USP13: variants seen among roughly 807,000 people sequenced by gnomAD.
USP13 encodes the protein ubiquitin specific peptidase 13.
Under a neutral mutation model 107.8 loss-of-function variants are expected in USP13, and 68 were observed. The observed-to-expected ratio is 0.63, with a 90% CI of 0.52 to 0.77. The LOEUF is 0.77. Among genes scored for constraint, USP13 ranks in the 30% least tolerant of loss-of-function variants. The pLI, the probability that USP13 is intolerant of heterozygous loss-of-function variation, is 0.00. For synonymous variants in USP13, 377 were observed against 389.5 expected, an observed-to-expected ratio of 0.97 and a Z score of 0.38; for missense variants, 945 against 1,093.3, an observed-to-expected ratio of 0.86 and a Z score of 1.91.
Position 179,757,232 on chromosome 3 carries a change from A to G in USP13, c.1948+154A>G, listed in dbSNP as rs572949424. 62 of 783,246 alleles carry G rather than the reference A, an allele frequency of 7.9e-5. No homozygotes were observed. The African/African-American group carries it at 9.5e-4, about 12-fold the overall frequency. 48.5% of individuals were successfully genotyped at this position (783,246 alleles called of 1,614,324 possible). A position where few individuals can be genotyped will look rare whatever the true frequency, so the allele number is the denominator to read the frequency against. On this transcript the variant is annotated intron_variant, in intron 16 of 20. Coordinates refer to ENST00000263966, the MANE Select transcript of USP13 (RefSeq NM_003940.3). The stretch of plus-strand genomic sequence containing the variant: ...GGCTCTGTGTCTGCTAGTCAGTGAC[A>G]TGCTGATCAGGTGGCCCATGGGGCT...
chr3:179,777,267 T>C (rs1037809996), intron 19 of USP13, among the ~76,000 whole-genome samples: 3 of 152,066 alleles, frequency 2.0e-5, no homozygotes, highest in South Asian at 2.1e-4. Context: ...TTTCTCTGTG[T>C]CTGTTTTGTC....
chr3:179,717,099 C>T (rs75394905), intron 6 of USP13, among the ~76,000 whole-genome samples: 3,418 of 152,194 alleles, frequency 0.022, 79 homozygotes, highest in Middle Eastern at 0.12. Flanking sequence ...AGTTTTAGGC[C>T]AAGCTGGGGA....
intron 8 of USP13, among the ~76,000 whole-genome samples, chr3:179,725,072 C>T (rs1033392219): frequency 2.0e-5 from 3 of 151,978 alleles, no homozygotes; most frequent in Non-Finnish European, 2.9e-5. Flanking sequence ...ATTAGCCAGG[C>T]GTGGTGGTGC....
At chr3:179,715,031 C>T (rs1386970546) in intron 6 of USP13, among the ~76,000 whole-genome samples, 2 of 151,658 alleles carry the variant, frequency 1.3e-5, no homozygotes, top group Non-Finnish European at 2.9e-5. Context: ...CACCACACTC[C>T]ATACTCGGCT....
In USP13 at chr3:179,727,184, T is replaced by A. The variant is rs867099825; in HGVS notation, c.1089-3005T>A. Reference sequence around the variant, plus strand: ...TAATGTTTTTTTTTTTTTTTTTTTTTAATTGATCATTCTTGGGTGTTTCTC... The same window carrying A: ...TAATGTTTTTTTTTTTTTTTTTTTTAAATTGATCATTCTTGGGTGTTTCTC... On this transcript the variant is annotated intron_variant, in intron 8 of 20. Coordinates refer to ENST00000263966, the MANE Select transcript of USP13 (RefSeq NM_003940.3). 3.7e-3 allele frequency among the ~76,000 whole-genome samples: 470 copies of A among 125,748 alleles called. 4 individuals are homozygous for A. The highest frequency in any genetic ancestry group is 0.015 in the African/African-American group (445 of 30,070). The allele number at this position is 125,748 out of a possible 152,430, so 82.5% of individuals were successfully genotyped here.
chr3:179,694,964 A>G (rs1481540162), intron 3 of USP13, among the ~76,000 whole-genome samples: 1 of 152,160 alleles, frequency 6.6e-6, no homozygotes, highest in East Asian at 1.9e-4. Context: ...GGCCACATCT[A>G]GCTGCACAGG....
intron 2 of USP13, among the ~76,000 whole-genome samples, chr3:179,689,379 T>A (rs1712019358): frequency 6.6e-6 from 1 of 151,626 alleles, no homozygotes; most frequent in African/African-American, 2.4e-5. Context: ...CGATGCTGGG[T>A]GGGGTGCGGT....
chr3:179,684,943 A>G (rs1711816455), intron 2 of USP13, among the ~76,000 whole-genome samples: 1 of 152,160 alleles, frequency 6.6e-6, no homozygotes, highest in South Asian at 2.1e-4. Context: ...GAATTTATAG[A>G]TTAACCTATA....
intron 2 of USP13, among the ~76,000 whole-genome samples, chr3:179,684,598 C>G (rs1711798477): frequency 6.6e-6 from 1 of 152,202 alleles, no homozygotes; most frequent in Non-Finnish European, 1.5e-5. Flanking sequence ...GCTGGGATTA[C>G]AGCTGAGAGC....
chr3:179,727,765 C>T (rs1461065057), intron 8 of USP13, among the ~76,000 whole-genome samples: 1 of 86,036 alleles, frequency 1.2e-5, no homozygotes, highest in Non-Finnish European at 2.6e-5. Flanking sequence ...CCCCTCACCT[C>T]CCGGACGGGG....
chr3:179,764,183 C>CTGTGTGTGTGTGTG lies in USP13; in HGVS notation c.2259+34_2259+47dup. On this transcript the variant is annotated intron_variant, in intron 18 of 20. Transcript: ENST00000263966. ...TACGAGCAACGGTGAGCATGAGAGA[C>CTGTGTGTGTGTGTG]TGTGTGTGTGTGTGTGTGTGTGTGT... The CTGTGTGTGTGTGTG allele has an allele frequency of 6.9e-7, 1 of 1,447,186 alleles. No homozygotes were observed. Among genetic ancestry groups the CTGTGTGTGTGTGTG allele is most frequent in the Non-Finnish European group, 9.3e-7 (1 of 1,080,378 alleles). The allele number at this position is 1,447,186 out of a possible 1,614,324, so 89.6% of individuals were successfully genotyped here.
At chr3:179,775,507 G>A (rs763082988) in intron 19 of USP13, among the ~76,000 whole-genome samples, 8 of 152,280 alleles carry the variant, frequency 5.3e-5, no homozygotes, top group Non-Finnish European at 8.8e-5. Flanking sequence ...CCAGTTCCGC[G>A]CCACGCGCCT....
rs139900228 is a variant in USP13 at position 179,657,172 on chromosome 3, A to C, written c.168+3779A>C. On this transcript the variant is annotated intron_variant, in intron 1 of 20. Coordinates refer to ENST00000263966, the MANE Select transcript of USP13 (RefSeq NM_003940.3). ...GTTATTTTGTGGATTAAATAAATTA[A>C]TACATAAAGTGTGTCTGGCCAATTA... Among the ~76,000 whole-genome samples, 546 of 152,338 alleles carry C rather than the reference A, an allele frequency of 3.6e-3. 6 individuals carry two copies. Among genetic ancestry groups the C allele is most frequent in the Admixed American group, 0.029 (444 of 15,304 alleles).
At chr3:179,660,195 ATTG>A (rs1188575355) in intron 1 of USP13, among the ~76,000 whole-genome samples, 4 of 152,338 alleles carry the variant, frequency 2.6e-5, no homozygotes, top group East Asian at 1.9e-4. Flanking sequence ...ATCACTATGC[ATTG>A]TTGTGTGAAT....
At chr3:179,711,086 C>T (rs945577031) in intron 6 of USP13, among the ~76,000 whole-genome samples, 1 of 152,120 alleles carries the variant, frequency 6.6e-6, no homozygotes, top group Non-Finnish European at 1.5e-5. Context: ...AAAACATTGT[C>T]CTTTTCAATA....
At chr3:179,665,590 C>G (rs888471266) in intron 1 of USP13, among the ~76,000 whole-genome samples, 2 of 151,990 alleles carry the variant, frequency 1.3e-5, no homozygotes, top group Non-Finnish European at 2.9e-5. Context: ...ATATTTAAGG[C>G]TTTTCTTTTT....
chr3:179,693,287 T>C (rs1385808737), intron 3 of USP13, among the ~76,000 whole-genome samples: 1 of 151,964 alleles, frequency 6.6e-6, no homozygotes, highest in Non-Finnish European at 1.5e-5. Flanking sequence ...TAGCTGGGAC[T>C]ACAGGCACAC....
rs532749978 is a variant in USP13 at position 179,653,133 on chromosome 3, G to T, written c.-93G>T. The T allele has an allele frequency of 1.8e-4, 179 of 988,398 alleles. 10 individuals carry two copies. In the East Asian group the frequency reaches 0.017, roughly 93 times the overall value. 61.2% of individuals were successfully genotyped at this position (988,398 alleles called of 1,614,324 possible). On this transcript the variant is annotated 5_prime_UTR_variant, in exon 1 of 21. Transcript: ENST00000263966. The surrounding 1 kb of genome is among the most constrained non-coding windows in gnomAD (Gnocchi z 4.0). ...CCGGCTGCCGTTGCCCGCGCAGCCC[G>T]CCCGTCAGCCCGCTCGCTGGCGCCG...
In USP13 at chr3:179,781,824, G is replaced by A. The variant is rs778886541; in HGVS notation, c.2498+1G>A. ...TTTGCCATATCAAAAAGGAAGGAAG[G>A]TGAGTCATTTTTAGAAGGTAAATGT... On this transcript the variant is annotated splice_donor_variant, in intron 20 of 20. Transcript: ENST00000263966. LOFTEE classifies it high-confidence loss of function. The A allele has an allele frequency of 1.2e-6, 2 of 1,613,238 alleles. No individual in the cohort carries two copies. Among genetic ancestry groups the A allele is most frequent in the Non-Finnish European group, 1.7e-6 (2 of 1,179,296 alleles).
Sources: gnomAD v4.1 joint callset for allele counts (sites outside exome capture counted in the v4.1 genomes callset) on GRCh38, gnomAD v4.1.1 for gene constraint, Gnocchi (gnomAD v3.1) non-coding constraint, MANE v1.5 for transcripts, NCBI Gene and HGNC (gene_info 2026-07-23, HGNC 2026-07-21) for gene names.